NTNG1: variants seen among roughly 807,000 people sequenced by gnomAD.
NTNG1 encodes netrin-G1.
A neutral mutation model predicts 54.0 loss-of-function variants in NTNG1; 16 were observed. That is an observed-to-expected ratio of 0.30 (90% CI 0.20 to 0.45). The LOEUF (loss-of-function observed/expected upper bound fraction) is 0.45. Ranked by LOEUF, NTNG1 falls within the 20% of genes least tolerant of loss-of-function variation. NTNG1 has a pLI of 1.00. For synonymous variants in NTNG1, 255 were observed against 263.1 expected, an observed-to-expected ratio of 0.97 and a Z score of 0.30; for missense variants, 530 against 678.7, an observed-to-expected ratio of 0.78 and a Z score of 2.43.
chr1:107,167,552 G>A (rs966962078), intron 2 of NTNG1, among the ~76,000 whole-genome samples: 2 of 151,748 alleles, frequency 1.3e-5, no homozygotes, highest in Non-Finnish European at 2.9e-5. Context: ...ATTCTAATAT[G>A]TAGGTAAAAG....
At chr1:107,153,367 A>G (rs1021219549) in intron 2 of NTNG1, among the ~76,000 whole-genome samples, 7 of 152,232 alleles carry the variant, frequency 4.6e-5, no homozygotes, top group Non-Finnish European at 8.8e-5. Flanking sequence ...TGGAAATGAC[A>G]TTGATTTATA....
At chr1:107,302,191 A>G (rs561129646) in intron 2 of NTNG1, among the ~76,000 whole-genome samples, 2 of 152,288 alleles carry the variant, frequency 1.3e-5, no homozygotes, top group East Asian at 1.9e-4. Context: ...GTGGAGTACC[A>G]TGGCCTTTCA....
intron 2 of NTNG1, among the ~76,000 whole-genome samples, chr1:107,200,948 G>A (rs1658710138): frequency 6.6e-6 from 1 of 151,632 alleles, no homozygotes; most frequent in African/African-American, 2.4e-5. Flanking sequence ...AATTGTGTTT[G>A]CTTCTTATAC....
intron 2 of NTNG1, 71 bp from the exon 3 acceptor site, chr1:107,324,211 G>A: frequency 1.4e-6 from 2 of 1,422,516 alleles, no homozygotes; most frequent in Non-Finnish European, 1.9e-6. Context: ...CTCTTACTGA[G>A]CAACAGCAAT....
chr1:107,233,463 T>G (rs1557831139), intron 2 of NTNG1, among the ~76,000 whole-genome samples: 1 of 152,224 alleles, frequency 6.6e-6, no homozygotes, highest in Non-Finnish European at 1.5e-5. Context: ...ATGCAATGTG[T>G]ACAATTTCAA....
At chr1:107,200,302 A>T (rs1038398557) in intron 2 of NTNG1, among the ~76,000 whole-genome samples, 11 of 151,936 alleles carry the variant, frequency 7.2e-5, no homozygotes, top group African/African-American at 2.7e-4. Context: ...ATTTCAAAAT[A>T]ACATGTTTCT....
At chr1:107,165,953 A>G (rs1002065757) in intron 2 of NTNG1, among the ~76,000 whole-genome samples, 3 of 152,202 alleles carry the variant, frequency 2.0e-5, no homozygotes, top group Non-Finnish European at 1.5e-5. Context: ...GCATGTATTT[A>G]TGAAATTCCT....
intron 3 of NTNG1, among the ~76,000 whole-genome samples, chr1:107,361,391 A>ATATATATATATATATT (rs370815306): frequency 1.1e-5 from 1 of 88,000 alleles, no homozygotes; most frequent in South Asian, 4.0e-4. Context: ...ATATATATAT[A>ATATATATATATATATT]TTTTTTTTTT....
chr1:107,475,146 G>A (rs1206358615), intron 7 of NTNG1, among the ~76,000 whole-genome samples: 1 of 152,200 alleles, frequency 6.6e-6, no homozygotes, highest in African/African-American at 2.4e-5. Context: ...AGAGCACTTA[G>A]TCAATACAGC....
intron 3 of NTNG1, among the ~76,000 whole-genome samples, chr1:107,336,400 A>T (rs1405330765): frequency 6.6e-6 from 1 of 151,916 alleles, no homozygotes; most frequent in African/African-American, 2.4e-5. Flanking sequence ...GGAAAACTGA[A>T]CAGTCACATG....
chr1:107,345,609 A>G (rs1669174777), intron 3 of NTNG1, among the ~76,000 whole-genome samples: 1 of 152,106 alleles, frequency 6.6e-6, no homozygotes, highest in South Asian at 2.1e-4. Context: ...TTGTTCTAAA[A>G]AACCCACCTG....
chr1:107,236,957 G>A (rs1661448207), intron 2 of NTNG1, among the ~76,000 whole-genome samples: 1 of 152,112 alleles, frequency 6.6e-6, no homozygotes. Flanking sequence ...ACCAGAAGTG[G>A]GGTGTTGCTG....
At chr1:107,352,722 CG>C (rs1669697512) in intron 3 of NTNG1, among the ~76,000 whole-genome samples, 1 of 152,306 alleles carries the variant, frequency 6.6e-6, no homozygotes, top group Middle Eastern at 3.4e-3. Flanking sequence ...AGCTTAAAGG[CG>C]GGCAGCTCAC....
At chr1:107,190,580 C>T (rs1359646248) in intron 2 of NTNG1, among the ~76,000 whole-genome samples, 1 of 152,190 alleles carries the variant, frequency 6.6e-6, no homozygotes, top group South Asian at 2.1e-4. Context: ...TCTCCACTCC[C>T]CCCACCCCAT....
chr1:107,167,052 C>G (rs1179913272), intron 2 of NTNG1, among the ~76,000 whole-genome samples: 1 of 152,110 alleles, frequency 6.6e-6, no homozygotes, highest in Non-Finnish European at 1.5e-5. Context: ...GCCCAAACCT[C>G]AGTTTTCCCT....
chr1:107,482,324 A>G lies in NTNG1; in HGVS notation c.*1484A>G, dbSNP rs1365669118. Reference sequence around the variant, plus strand: ...ACTTTGAATATATTCAGACTTAAGTATTTAGAGGAAATATCAAAATATAAA... The same window carrying G: ...ACTTTGAATATATTCAGACTTAAGTGTTTAGAGGAAATATCAAAATATAAA... On this transcript the variant is annotated 3_prime_UTR_variant, in exon 8 of 8. Transcript: ENST00000370068. The G allele has an allele frequency of 6.6e-6, 1 of 152,222 alleles. No homozygotes were observed. The highest frequency in any genetic ancestry group is 1.5e-5 in the Non-Finnish European group (1 of 68,034). The allele number at this position is 152,222 out of a possible 1,614,324, so 9.4% of individuals were successfully genotyped here.
intron 3 of NTNG1, among the ~76,000 whole-genome samples, chr1:107,334,739 G>A (rs1668480882): frequency 6.6e-6 from 1 of 152,014 alleles, no homozygotes; most frequent in African/African-American, 2.4e-5. Flanking sequence ...GGAACTTTCA[G>A]TTTACTCACT....
intron 2 of NTNG1, among the ~76,000 whole-genome samples, chr1:107,251,647 T>TATCA (rs1662615970): frequency 6.6e-6 from 1 of 152,212 alleles, no homozygotes; most frequent in African/African-American, 2.4e-5. Context: ...CAGTTGAAAC[T>TATCA]ATCAGACCAG....
chr1:107,422,054 T>A (rs909654234), intron 5 of NTNG1, among the ~76,000 whole-genome samples: 1 of 152,052 alleles, frequency 6.6e-6, no homozygotes, highest in Non-Finnish European at 1.5e-5. Flanking sequence ...CCATGGCATA[T>A]AGAGAAAAAG....
Sources: gnomAD v4.1 joint callset for allele counts (sites outside exome capture counted in the v4.1 genomes callset) on GRCh38, gnomAD v4.1.1 for gene constraint, MANE v1.5 for transcripts, NCBI Gene and HGNC (gene_info 2026-07-23, HGNC 2026-07-21) for gene names.